The following ASIC2 variants were observed in gnomAD, a reference collection of about 807,000 sequenced individuals.
ASIC2 encodes the protein acid-sensing ion channel 2.
In ASIC2, 25 loss-of-function variants were observed where a neutral mutation model predicts 57.3. That is an observed-to-expected ratio of 0.44 (90% CI 0.32 to 0.61). The LOEUF (loss-of-function observed/expected upper bound fraction) is 0.61, where lower values mean the gene tolerates loss of function less well. Ranked by LOEUF, ASIC2 falls within the 20% of genes least tolerant of loss-of-function variation. The pLI, the probability that ASIC2 is intolerant of heterozygous loss-of-function variation, is 0.06. For missense variants in ASIC2, 641 were observed against 738.1 expected (o/e 0.87, Z 1.52); for synonymous variants, 319 against 307.5 (o/e 1.04, Z -0.39).
chr17:33,293,428 G>A (rs1282839398), upstream of ASIC2, among the ~76,000 whole-genome samples: 1 of 152,186 alleles, frequency 6.6e-6, no homozygotes, highest in African/African-American at 2.4e-5. Context: ...GAAGCCTCTT[G>A]CTGGAGTCGG....
intron 1 of ASIC2, among the ~76,000 whole-genome samples, chr17:33,228,424 G>C (rs539612573): frequency 6.6e-6 from 1 of 152,378 alleles, no homozygotes; most frequent in East Asian, 1.9e-4. Flanking sequence ...ATGAGAAGAT[G>C]AGGCTGCAGG....
At chr17:34,088,612 T>C (rs1377441228) in intron 1 of ASIC2, among the ~76,000 whole-genome samples, 2 of 152,202 alleles carry the variant, frequency 1.3e-5, no homozygotes, top group Non-Finnish European at 2.9e-5. Flanking sequence ...CTGCTGTCTT[T>C]TTGTTTGTCT....
At chr17:33,546,988 A>T (rs1915597517) in intron 1 of ASIC2, among the ~76,000 whole-genome samples, 1 of 152,104 alleles carries the variant, frequency 6.6e-6, no homozygotes, top group Non-Finnish European at 1.5e-5. Flanking sequence ...GCAGATGACA[A>T]CTAGGACCTA....
rs1394253637 is a variant in ASIC2, at chr17:33,724,596, G to A, written c.555+431382C>T. On this transcript the variant is annotated intron_variant, in intron 1 of 9. Transcript: ENST00000359872. ...ATGGGATGCCAGGACAATTGGGAAT[G>A]AGGAGCCTAAGGGAGGGGCTTTGGC... is the stretch of plus-strand genomic sequence containing the variant. Among the ~76,000 whole-genome samples, 2 of 152,194 alleles carry A rather than the reference G, an allele frequency of 1.3e-5. 1 individual carries two copies. Among genetic ancestry groups the A allele is most frequent in the East Asian group, 3.9e-4 (2 of 5,194 alleles).
chr17:33,392,194 CCCTCCTTCCTTCCT>C (rs1909922489), intron 1 of ASIC2, among the ~76,000 whole-genome samples: 1 of 5,204 alleles, frequency 1.9e-4, no homozygotes, highest in Non-Finnish European at 4.3e-4. Context: ...TTCCTTCCTT[CCCTCCTTCCTTCCT>C]TCCTTCCTTC....
At chr17:33,731,334 G>T (rs986663588) in intron 1 of ASIC2, among the ~76,000 whole-genome samples, 1 of 152,124 alleles carries the variant, frequency 6.6e-6, no homozygotes, top group Admixed American at 6.5e-5. Context: ...TTAGGGGGGA[G>T]GTCAGAACAT....
At chr17:33,939,101 A>G (rs1916130735) in intron 1 of ASIC2, among the ~76,000 whole-genome samples, 1 of 152,128 alleles carries the variant, frequency 6.6e-6, no homozygotes, top group Non-Finnish European at 1.5e-5. Flanking sequence ...TTGGGGCCTC[A>G]CCCCTTCTTA....
intron 1 of ASIC2, among the ~76,000 whole-genome samples, chr17:33,288,592 A>T (rs1342182650): frequency 6.6e-6 from 1 of 152,162 alleles, no homozygotes; most frequent in Non-Finnish European, 1.5e-5. Flanking sequence ...GCTGTAAAGC[A>T]GACAATGGGA....
intron 1 of ASIC2, among the ~76,000 whole-genome samples, chr17:33,947,849 T>A (rs1014343614): frequency 1.6e-4 from 25 of 152,262 alleles, no homozygotes; most frequent in African/African-American, 5.5e-4. Context: ...TATGTATTTT[T>A]ACCAGTGTTA....
At chr17:33,298,745 C>T (rs1292125240) in intron 1 of ASIC2, among the ~76,000 whole-genome samples, 3 of 152,194 alleles carry the variant, frequency 2.0e-5, no homozygotes, top group Non-Finnish European at 4.4e-5. Context: ...TTCTCCACAT[C>T]CTCTCCAGCA....
intron 2 of ASIC2, among the ~76,000 whole-genome samples, chr17:33,106,551 C>T (rs2092235308): frequency 6.6e-6 from 1 of 152,180 alleles, no homozygotes; most frequent in Non-Finnish European, 1.5e-5. Flanking sequence ...AATTCTCACC[C>T]TCACCCCCAC....
At chr17:34,150,975 C>T (rs1440765268) in intron 1 of ASIC2, among the ~76,000 whole-genome samples, 6 of 151,930 alleles carry the variant, frequency 3.9e-5, no homozygotes, top group Middle Eastern at 3.4e-3. Flanking sequence ...TGGTGGCAGG[C>T]GCCTGTAGTC....
chr17:33,684,869 T>C (rs938120193), intron 1 of ASIC2, among the ~76,000 whole-genome samples: 3 of 152,116 alleles, frequency 2.0e-5, no homozygotes, highest in Admixed American at 6.5e-5. Flanking sequence ...GGGAATACCA[T>C]TGTGTTCTGT....
Position 33,065,579 on chromosome 17 carries a change from AT to A in ASIC2, c.987+23283del, listed in dbSNP as rs112122907. On this transcript the variant is annotated intron_variant, in intron 3 of 9. Transcript: ENST00000225823. ...CCATCCTCCTGCCTTGGCCTCCCAA[AT>A]GATTGAATTCTTATTAGTCAAATAA... Among the ~76,000 whole-genome samples the A allele has an allele frequency of 6.9e-3, 1,051 of 152,120 alleles. 15 individuals are homozygous for A. Among genetic ancestry groups the A allele is most frequent in the African/African-American group, 0.025 (1,018 of 41,486 alleles).
At chr17:33,732,222 CAT>C (rs1054450295) in intron 1 of ASIC2, among the ~76,000 whole-genome samples, 3 of 152,162 alleles carry the variant, frequency 2.0e-5, no homozygotes, top group African/African-American at 7.2e-5. Flanking sequence ...AAGCTGAACA[CAT>C]AAAAGGATAC....
chr17:33,411,924 C>G (rs538215014), intron 1 of ASIC2, among the ~76,000 whole-genome samples: 2 of 152,210 alleles, frequency 1.3e-5, no homozygotes, highest in East Asian at 3.9e-4. Context: ...TAAAAGAGAT[C>G]GCAATCTTAT....
intron 1 of ASIC2, among the ~76,000 whole-genome samples, chr17:34,125,974 G>A (rs1388638914): frequency 6.6e-6 from 1 of 152,198 alleles, no homozygotes; most frequent in Non-Finnish European, 1.5e-5. Flanking sequence ...TATCCCACAT[G>A]TCACAGCCTC....
At chr17:33,161,078 G>C (rs2142039175) in intron 1 of ASIC2, among the ~76,000 whole-genome samples, 1 of 152,302 alleles carries the variant, frequency 6.6e-6, no homozygotes, top group Middle Eastern at 3.4e-3. Context: ...CACCATTAGA[G>C]AAGTAGCAGC....
intron 1 of ASIC2, among the ~76,000 whole-genome samples, chr17:33,555,279 C>G (rs945588689): frequency 6.6e-6 from 1 of 152,166 alleles, no homozygotes; most frequent in Non-Finnish European, 1.5e-5. Flanking sequence ...TTAGAAGGTA[C>G]TTGTTTTCCA....
Sources: allele counts gnomAD v4.1 joint callset (sites outside exome capture counted in the v4.1 genomes callset), GRCh38; gene constraint gnomAD v4.1.1; transcripts MANE v1.5; gene names NCBI Gene and HGNC (gene_info 2026-07-23, HGNC 2026-07-21).